Variants in GALNT13 observed in about 807,000 individuals in gnomAD.
GALNT13 encodes the protein polypeptide N-acetylgalactosaminyltransferase 13, also known as UDP-GalNAc:polypeptide N-acetylgalactosaminyltransferase 13.
Under a neutral mutation model 64.2 loss-of-function variants are expected in GALNT13, and 28 were observed. The observed-to-expected ratio is 0.44, with a 90% CI of 0.32 to 0.60. The LOEUF (loss-of-function observed/expected upper bound fraction) is 0.60. Ranked by LOEUF, GALNT13 falls within the 20% of genes least tolerant of loss-of-function variation. The pLI, the probability that GALNT13 is intolerant of heterozygous loss-of-function variation, is 0.05. For missense variants in GALNT13, 577 were observed against 669.8 expected (o/e 0.86, Z 1.53); for synonymous variants, 214 against 224.6 (o/e 0.95, Z 0.42).
the GALNT13 span, among the ~76,000 whole-genome samples, chr2:153,509,440 A>T: frequency 6.6e-6 from 1 of 152,274 alleles, no homozygotes; most frequent in African/African-American, 2.4e-5. Flanking sequence ...GCTGCCATCA[A>T]TAGTGATTCC....
At chr2:153,090,775 T>G in the GALNT13 span, among the ~76,000 whole-genome samples, 4 of 152,108 alleles carry the variant, frequency 2.6e-5, no homozygotes, top group African/African-American at 9.7e-5. Flanking sequence ...CTCAAGCTCT[T>G]CTTGGGCGGG....
At chr2:153,589,981 A>G in the GALNT13 span, among the ~76,000 whole-genome samples, 1 of 152,200 alleles carries the variant, frequency 6.6e-6, no homozygotes, top group African/African-American at 2.4e-5. Flanking sequence ...AGCAAATCAA[A>G]TCCAAAATTA....
At chr2:153,645,758 G>A in the GALNT13 span, among the ~76,000 whole-genome samples, 1 of 152,026 alleles carries the variant, frequency 6.6e-6, no homozygotes, top group Non-Finnish European at 1.5e-5. Flanking sequence ...AATATTCCTG[G>A]CAAGCTTTCA....
chr2:153,464,199 G>A, the GALNT13 span, among the ~76,000 whole-genome samples: 13 of 152,116 alleles, frequency 8.5e-5, no homozygotes, highest in African/African-American at 2.9e-4. Flanking sequence ...TTAGGTTGAG[G>A]TCTCAGGGCT....
intron 3 of GALNT13, among the ~76,000 whole-genome samples, chr2:153,960,538 A>AT (rs1692872378): frequency 6.6e-6 from 1 of 152,118 alleles, no homozygotes; most frequent in African/African-American, 2.4e-5. Context: ...ATTTATACCC[A>AT]TTTTTAATTG....
chr2:153,308,053 C>G, the GALNT13 span, among the ~76,000 whole-genome samples: 1 of 151,972 alleles, frequency 6.6e-6, no homozygotes, highest in Non-Finnish European at 1.5e-5. Flanking sequence ...ACTTGAAAAA[C>G]AAGACAAAAA....
the GALNT13 span, among the ~76,000 whole-genome samples, chr2:153,777,595 T>C: frequency 6.6e-6 from 1 of 152,300 alleles, no homozygotes; most frequent in South Asian, 2.1e-4. Context: ...TCACATTTTA[T>C]TGGCCAATGC....
intron 4 of GALNT13, among the ~76,000 whole-genome samples, chr2:154,164,207 A>G (rs1291239341): frequency 1.3e-5 from 2 of 152,114 alleles, no homozygotes; most frequent in Non-Finnish European, 2.9e-5. Context: ...GCATGGAAAA[A>G]AAAGGGGTGA....
intron 3 of GALNT13, among the ~76,000 whole-genome samples, chr2:154,086,210 C>T (rs75384987): frequency 0.014 from 2,120 of 147,650 alleles, 24 homozygotes; most frequent in Non-Finnish European, 0.022. Flanking sequence ...ATAATGAATA[C>T]GCCAGAGAAC....
At chr2:153,255,205 T>C in the GALNT13 span, among the ~76,000 whole-genome samples, 1 of 147,686 alleles carries the variant, frequency 6.8e-6, no homozygotes, top group African/African-American at 2.5e-5. Flanking sequence ...GTTGAATTGA[T>C]CCCTTTACCA....
chr2:153,883,211 T>G (rs560469539), intron 1 of GALNT13, among the ~76,000 whole-genome samples: 1 of 151,542 alleles, frequency 6.6e-6, no homozygotes, highest in Non-Finnish European at 1.5e-5. Context: ...TCAAATATTT[T>G]AAGGGAAAAT....
chr2:154,090,192 A>T (rs1701737357), intron 3 of GALNT13, among the ~76,000 whole-genome samples: 1 of 152,110 alleles, frequency 6.6e-6, no homozygotes, highest in Non-Finnish European at 1.5e-5. Flanking sequence ...CCTTTGAAGA[A>T]ATCAAAATAT....
At chr2:153,810,985 C>A in the GALNT13 span, among the ~76,000 whole-genome samples, 3 of 152,246 alleles carry the variant, frequency 2.0e-5, no homozygotes, top group African/African-American at 7.2e-5. Context: ...AGTCATTTAA[C>A]CTTTTTGAAC....
chr2:154,008,933 A>G (rs1055615595), intron 3 of GALNT13, among the ~76,000 whole-genome samples: 23 of 152,182 alleles, frequency 1.5e-4, no homozygotes, highest in African/African-American at 5.1e-4. Flanking sequence ...TGGTAGAACA[A>G]TTATTTTGGG....
intron 2 of GALNT13, among the ~76,000 whole-genome samples, chr2:153,902,883 A>G (rs369232564): frequency 1.3e-5 from 2 of 152,100 alleles, no homozygotes; most frequent in Admixed American, 6.6e-5. Context: ...ATTTGGGGCC[A>G]TTTAGTCAAG....
At chr2:153,163,330 T>G in the GALNT13 span, among the ~76,000 whole-genome samples, 4 of 152,288 alleles carry the variant, frequency 2.6e-5, no homozygotes, top group African/African-American at 9.6e-5. Context: ...ATTCAGGGTT[T>G]TTTTTGGTGT....
At chr2:153,935,434 G>C (rs1176908174) in intron 2 of GALNT13, among the ~76,000 whole-genome samples, 1 of 152,212 alleles carries the variant, frequency 6.6e-6, no homozygotes, top group East Asian at 1.9e-4. Context: ...ACATTGGTCT[G>C]ATTAAGCATG....
At chr2:153,828,200 G>A in the GALNT13 span, among the ~76,000 whole-genome samples, 1 of 152,198 alleles carries the variant, frequency 6.6e-6, no homozygotes, top group African/African-American at 2.4e-5. Flanking sequence ...TACCCTTCTG[G>A]GGTCTGGAGA....
chr2:153,074,390 T>G, the GALNT13 span, among the ~76,000 whole-genome samples: 1 of 152,192 alleles, frequency 6.6e-6, no homozygotes, highest in African/African-American at 2.4e-5. Context: ...AGAATCATTA[T>G]GAACTCCTGA....
Sources: allele counts gnomAD v4.1 joint callset (sites outside exome capture counted in the v4.1 genomes callset), GRCh38; gene constraint gnomAD v4.1.1; transcripts MANE v1.5; gene names NCBI Gene and HGNC (gene_info 2026-07-23, HGNC 2026-07-21).